PAH: variants seen among roughly 807,000 people sequenced by gnomAD.
The protein encoded by PAH is phenylalanine hydroxylase.
PAH carries 64 observed loss-of-function variants against 62.0 expected under a neutral mutation model. The observed-to-expected ratio is 1.03, with a 90% CI of 0.84 to 1.27. The LOEUF (loss-of-function observed/expected upper bound fraction) is 1.27, where lower values mean the gene tolerates loss of function less well. Ranked by LOEUF, PAH falls within the 50% of genes most tolerant of loss-of-function variation. The pLI, the probability that PAH is intolerant of heterozygous loss-of-function variation, is 0.00. For missense variants in PAH, 579 were observed against 542.8 expected, an observed-to-expected ratio of 1.07 and a Z score of -0.66; for synonymous variants, 195 against 196.2, an observed-to-expected ratio of 0.99 and a Z score of 0.05.
chr12:102,860,864 C>A (rs1054261390), intron 5 of PAH, among the ~76,000 whole-genome samples: 1 of 152,062 alleles, frequency 6.6e-6, no homozygotes, highest in African/African-American at 2.4e-5. Flanking sequence ...AATGTTAGAC[C>A]TAAAACCATA....
At chr12:102,951,366 GTTGGGGGTCTATCTGGAA>G (rs1879755977), upstream of PAH, among the ~76,000 whole-genome samples, 1 of 152,156 alleles carries the variant, frequency 6.6e-6, no homozygotes, top group South Asian at 2.1e-4. Context: ...AAGCAGAGTT[GTTGGGGGTCTATCTGGAA>G]TGGCTTCTCA....
At chr12:102,856,110 A>T (rs1875415599) in intron 5 of PAH, among the ~76,000 whole-genome samples, 2 of 151,602 alleles carry the variant, frequency 1.3e-5, no homozygotes, top group Non-Finnish European at 2.9e-5. Context: ...AAGGATAATA[A>T]ATAAATATTG....
intron 1 of PAH, among the ~76,000 whole-genome samples, chr12:102,934,224 G>A (rs556186391): frequency 1.3e-5 from 2 of 152,080 alleles, no homozygotes; most frequent in South Asian, 4.2e-4. Context: ...GGTTAAAAAC[G>A]AGTTCACTGT....
intron 4 of PAH, among the ~76,000 whole-genome samples, chr12:102,872,026 A>C (rs867298910): frequency 1.7e-4 from 25 of 149,424 alleles, no homozygotes; most frequent in African/African-American, 5.9e-4. Context: ...GTGCCTTTTA[A>C]ATGTCATATG....
intron 3 of PAH, among the ~76,000 whole-genome samples, chr12:102,891,949 AAGGG>A (rs2136698194): frequency 6.6e-6 from 1 of 152,266 alleles, no homozygotes; most frequent in South Asian, 2.1e-4. Flanking sequence ...CCTTTGTCCA[AAGGG>A]TCTGCAGCTC....
At chr12:102,931,609 G>A (rs1199731643) in intron 1 of PAH, among the ~76,000 whole-genome samples, 1 of 152,176 alleles carries the variant, frequency 6.6e-6, no homozygotes, top group Non-Finnish European at 1.5e-5. Context: ...ACTTCATTTT[G>A]CAAGCTCTCC....
At chr12:102,935,800 C>T (rs901253731) in intron 1 of PAH, among the ~76,000 whole-genome samples, 2 of 151,730 alleles carry the variant, frequency 1.3e-5, no homozygotes, top group African/African-American at 4.8e-5. Flanking sequence ...CTTAGTCTGG[C>T]TAAAGGTTTG....
intron 1 of PAH, among the ~76,000 whole-genome samples, chr12:102,925,837 C>T (rs1387856940): frequency 6.6e-6 from 1 of 152,094 alleles, no homozygotes; most frequent in Non-Finnish European, 1.5e-5. Context: ...TTAGACTTTA[C>T]ATTGAGTCAT....
intron 4 of PAH, chr12:102,877,189 G>T: frequency 2.1e-6 from 1 of 469,894 alleles, no homozygotes; most frequent in South Asian, 2.1e-5. Context: ...ATTTGCATCT[G>T]TGTGTGTGTT....
intron 4 of PAH, 41 bp downstream of exon 4, chr12:102,877,421 G>A: frequency 7.4e-7 from 1 of 1,355,736 alleles, no homozygotes; most frequent in Non-Finnish European, 1.1e-6. Flanking sequence ...GAGTGGAGGA[G>A]AGGCACTGAA....
intron 2 of PAH, among the ~76,000 whole-genome samples, chr12:102,901,562 T>G (rs1051487953): frequency 1.4e-4 from 21 of 152,156 alleles, no homozygotes; most frequent in African/African-American, 4.8e-4. Flanking sequence ...TCCTTCAATA[T>G]TTGTTTTACC....
At chr12:102,856,078 C>CTAAA (rs71097946) in intron 5 of PAH, among the ~76,000 whole-genome samples, 95,875 of 149,722 alleles carry the variant, frequency 0.64, 32,007 homozygotes, top group African/African-American at 0.78. Context: ...AATTAGAAAA[C>CTAAA]TAAATAAATA....
At chr12:102,908,418 AG>A (rs1878065348) in intron 2 of PAH, among the ~76,000 whole-genome samples, 1 of 152,222 alleles carries the variant, frequency 6.6e-6, no homozygotes, top group Admixed American at 6.5e-5. Context: ...CTAATATAAA[AG>A]CTAAAAAGTT....
chr12:102,864,798 G>T (rs953939806), intron 5 of PAH, among the ~76,000 whole-genome samples: 1 of 92,722 alleles, frequency 1.1e-5, no homozygotes, highest in African/African-American at 5.3e-5. Context: ...TCGCAAAATA[G>T]AATCTGCAAA....
intron 2 of PAH, among the ~76,000 whole-genome samples, chr12:102,899,158 T>C (rs1243874987): frequency 6.6e-6 from 1 of 152,188 alleles, no homozygotes; most frequent in Non-Finnish European, 1.5e-5. Flanking sequence ...CACCTACTAT[T>C]TACCTAAGAT....
chr12:102,951,113 G>C (rs1336057198), upstream of PAH, among the ~76,000 whole-genome samples: 4 of 152,138 alleles, frequency 2.6e-5, no homozygotes, highest in African/African-American at 9.7e-5. Context: ...CTGTCACTTC[G>C]GGTTAGCGTG....
intron 11 of PAH, among the ~76,000 whole-genome samples, chr12:102,841,593 T>C (rs191197716): frequency 6.6e-6 from 1 of 152,314 alleles, no homozygotes; most frequent in East Asian, 1.9e-4. Flanking sequence ...ATGGTGTAAG[T>C]GCCCTATGAG....
intron 5 of PAH, among the ~76,000 whole-genome samples, chr12:102,863,757 C>T (rs1875831148): frequency 6.6e-6 from 1 of 152,172 alleles, no homozygotes; most frequent in Non-Finnish European, 1.5e-5. Context: ...TGAGCCTAAA[C>T]TACCCGCCTT....
At chr12:102,929,826 C>G (rs917476667) in intron 1 of PAH, among the ~76,000 whole-genome samples, 8 of 152,082 alleles carry the variant, frequency 5.3e-5, no homozygotes, top group Non-Finnish European at 1.2e-4. Flanking sequence ...GCATGAGAAA[C>G]AGGTCAAAGA....
Sources: gnomAD v4.1 joint callset for allele counts (sites outside exome capture counted in the v4.1 genomes callset) on GRCh38, gnomAD v4.1.1 for gene constraint, MANE v1.5 for transcripts, NCBI Gene and HGNC (gene_info 2026-07-23, HGNC 2026-07-21) for gene names.